SLC25A24: variants seen among roughly 807,000 people sequenced by gnomAD.
The protein encoded by SLC25A24 is mitochondrial adenyl nucleotide antiporter SLC25A24.
A neutral mutation model predicts 60.7 loss-of-function variants in SLC25A24; 49 were observed. The observed-to-expected ratio is 0.81, with a 90% CI of 0.64 to 1.02. The LOEUF is 1.02. Ranked by LOEUF, SLC25A24 falls within the 50% of genes least tolerant of loss-of-function variation. SLC25A24 has a pLI of 0.00. For missense variants in SLC25A24, 564 were observed against 586.3 expected (o/e 0.96, Z 0.39); for synonymous variants, 202 against 200.6 (o/e 1.01, Z -0.06).
chr1:108,166,414 G>A (rs1210364503), intron 3 of SLC25A24, among the ~76,000 whole-genome samples: 6 of 152,014 alleles, frequency 3.9e-5, no homozygotes, highest in East Asian at 1.9e-4. Flanking sequence ...CATTCTCCCC[G>A]TCACTTTCAG....
intron 8 of SLC25A24, 50 bp from the exon 9 acceptor site, chr1:108,139,258 C>T (rs768869328): frequency 7.2e-6 from 11 of 1,525,802 alleles, no homozygotes; most frequent in African/African-American, 7.0e-5. Context: ...ACAACTTCAA[C>T]GTAAACATTT....
intron 6 of SLC25A24, among the ~76,000 whole-genome samples, chr1:108,149,886 C>T (rs552789606): frequency 4.6e-5 from 7 of 152,296 alleles, no homozygotes; most frequent in African/African-American, 1.7e-4. Context: ...CATACGATGA[C>T]TTTCTCCTAG....
At chr1:108,168,529 G>T (rs933936362) in intron 3 of SLC25A24, among the ~76,000 whole-genome samples, 5 of 152,070 alleles carry the variant, frequency 3.3e-5, no homozygotes. Context: ...AGAACATTTA[G>T]GGTATTGACA....
At chr1:108,189,993 T>G (rs1648292540) in intron 1 of SLC25A24, among the ~76,000 whole-genome samples, 1 of 152,100 alleles carries the variant, frequency 6.6e-6, no homozygotes, top group Non-Finnish European at 1.5e-5. Flanking sequence ...TACTATAATA[T>G]GAAAGATTAG....
intron 6 of SLC25A24, among the ~76,000 whole-genome samples, chr1:108,149,591 A>C (rs536696375): frequency 1.3e-5 from 2 of 152,316 alleles, no homozygotes; most frequent in African/African-American, 2.4e-5. Context: ...CAACTTGCTA[A>C]GACATTCTGC....
chr1:108,159,598 C>T (rs1199932099), intron 4 of SLC25A24, among the ~76,000 whole-genome samples: 1 of 151,234 alleles, frequency 6.6e-6, no homozygotes, highest in East Asian at 1.9e-4. Flanking sequence ...TTTTCCTAGG[C>T]AGAGGACCCT....
chr1:108,200,213 C>A lies in SLC25A24; in HGVS notation c.-75G>T. ...GGCTGCGGGGCGAGACCGGGACCAG[C>A]GCGAGGCCGGGCTGGGCGGGGCGCG... On this transcript the variant is annotated 5_prime_UTR_variant, in exon 1 of 10. Coordinates refer to ENST00000565488, the MANE Select transcript of SLC25A24 (RefSeq NM_013386.5). The A allele has an allele frequency of 7.2e-7, 1 of 1,387,460 alleles. No homozygotes were observed. The highest frequency in any genetic ancestry group is 2.8e-5 in the East Asian group (1 of 35,120). The allele number at this position is 1,387,460 out of a possible 1,614,324, so 85.9% of individuals were successfully genotyped here. A position where few individuals can be genotyped will look rare whatever the true frequency, so the allele number is the denominator to read the frequency against.
chr1:108,192,220 G>C (rs994817326), intron 1 of SLC25A24, among the ~76,000 whole-genome samples: 1 of 139,186 alleles, frequency 7.2e-6, no homozygotes, highest in Non-Finnish European at 1.6e-5. Context: ...ATTGAACAAG[G>C]TGACTCCTAA....
intron 4 of SLC25A24, among the ~76,000 whole-genome samples, chr1:108,158,601 T>TGTAA (rs775774564): frequency 6.6e-6 from 1 of 152,078 alleles, no homozygotes; most frequent in Non-Finnish European, 1.5e-5. Flanking sequence ...TAATGCTTTA[T>TGTAA]GTAAGCTTAG....
intron 3 of SLC25A24, among the ~76,000 whole-genome samples, chr1:108,164,235 A>T (rs889350898): frequency 5.9e-5 from 9 of 151,980 alleles, no homozygotes; most frequent in Non-Finnish European, 1.3e-4. Flanking sequence ...TTCATCAAGG[A>T]TATTGGTCTA....
intron 7 of SLC25A24, among the ~76,000 whole-genome samples, chr1:108,147,023 G>A (rs920335119): frequency 7.9e-5 from 12 of 152,124 alleles, no homozygotes; most frequent in Non-Finnish European, 1.3e-4. Context: ...GGTAGAATTC[G>A]GCTATGAATC....
chr1:108,193,092 G>A lies in SLC25A24; in HGVS notation c.183+6864C>T, dbSNP rs533791183. Among the ~76,000 whole-genome samples, 2 of 140,010 alleles carry A rather than the reference G, an allele frequency of 1.4e-5. 1 individual carries two copies. The highest frequency in any genetic ancestry group is 5.2e-4 in the East Asian group (2 of 3,848). The allele number at this position is 140,010 out of a possible 152,430, so 91.9% of individuals were successfully genotyped here. A position where few individuals can be genotyped will look rare whatever the true frequency, so the allele number is the denominator to read the frequency against. On this transcript the variant is annotated intron_variant, in intron 1 of 9. Transcript: ENST00000565488. ...GGCTATTGCAGCATAAGTGACTGGC[G>A]GTGGCGGCCTGCCAACATTTAAAAA... is the stretch of plus-strand genomic sequence containing the variant.
chr1:108,142,347 T>C (rs958330384), intron 8 of SLC25A24, among the ~76,000 whole-genome samples: 1 of 152,162 alleles, frequency 6.6e-6, no homozygotes, highest in Non-Finnish European at 1.5e-5. Context: ...ATTCACAATG[T>C]TGGAAAAGTA....
chr1:108,179,041 C>T (rs11185298), intron 3 of SLC25A24, among the ~76,000 whole-genome samples: 108,731 of 149,842 alleles, frequency 0.73, 39,857 homozygotes, highest in African/African-American at 0.86. Context: ...TAAATGCCTA[C>T]ATAAAAACAA....
intron 3 of SLC25A24, among the ~76,000 whole-genome samples, chr1:108,175,386 G>A (rs555126810): frequency 1.3e-5 from 2 of 152,134 alleles, no homozygotes; most frequent in African/African-American, 4.8e-5. Context: ...CACCATGATT[G>A]TAAGTTTCCT....
chr1:108,172,051 C>A (rs1647481137), intron 3 of SLC25A24, among the ~76,000 whole-genome samples: 1 of 151,960 alleles, frequency 6.6e-6, no homozygotes, highest in Non-Finnish European at 1.5e-5. Context: ...AGCTTCTGAA[C>A]AATTCTGGAG....
chr1:108,200,125 A>C lies in SLC25A24; in HGVS notation c.14T>G (p.Leu5Arg), dbSNP rs1453063047. 2 of 1,556,124 alleles carry C rather than the reference A, an allele frequency of 1.3e-6. No individual in the cohort carries two copies. The highest frequency in any genetic ancestry group is 4.8e-5 in the East Asian group (2 of 41,864). The change falls in exon 1 of 10, where the codon CTG (leucine) becomes CGG (arginine). Residue 5 changes from leucine (L) to arginine (R), a missense_variant. Transcript: ENST00000565488. ...CGCGGTGGGCAGCACGAAGTCCCGC[A>C]GCCAGCGCAACATGGTCCCAGAGGC... Reference protein sequence around the residue: MLRWLRDFVLPTAAC... With the variant: MLRWRRDFVLPTAAC...
intron 2 of SLC25A24, among the ~76,000 whole-genome samples, chr1:108,184,956 T>G (rs1648065227): frequency 6.6e-6 from 1 of 152,212 alleles, no homozygotes; most frequent in Non-Finnish European, 1.5e-5. Flanking sequence ...TCTCTCTTCC[T>G]GTTAAAGGTT....
chr1:108,186,554 C>T (rs1648130893), intron 1 of SLC25A24, among the ~76,000 whole-genome samples: 1 of 151,960 alleles, frequency 6.6e-6, no homozygotes, highest in Non-Finnish European at 1.5e-5. Flanking sequence ...GACCCTGTCT[C>T]TAAAAAAGAA....
Sources: gnomAD v4.1 joint callset for allele counts (sites outside exome capture counted in the v4.1 genomes callset) on GRCh38, gnomAD v4.1.1 for gene constraint, MANE v1.5 for transcripts, NCBI Gene and HGNC (gene_info 2026-07-23, HGNC 2026-07-21) for gene names.